Variants in SRRT observed in about 807,000 individuals in gnomAD.
SRRT encodes the protein serrate, RNA effector molecule, also known as serrate RNA effector molecule homolog.
SRRT carries 32 observed loss-of-function variants against 103.2 expected under a neutral mutation model. The ratio of observed to expected loss-of-function variants is 0.31; its 90% CI spans 0.23 to 0.42. The LOEUF (loss-of-function observed/expected upper bound fraction) is 0.42. Ranked by LOEUF, SRRT falls within the 10% of genes least tolerant of loss-of-function variation. The probability of loss-of-function intolerance (pLI) is 1.00; values close to 1 mark genes in which losing one functional copy is unlikely to be tolerated. For missense variants in SRRT, 986 were observed against 1,207.5 expected (o/e 0.82, Z 2.72); for synonymous variants, 525 against 449.0 (o/e 1.17, Z -2.14).
rs761349168 is a variant in SRRT, at chr7:100,885,402, C to A, written c.1317+32C>A. On this transcript the variant is annotated intron_variant, in intron 10 of 19. Coordinates refer to ENST00000611405, the MANE Select transcript of SRRT (RefSeq NM_015908.6). The surrounding 1 kb of genome is among the most constrained non-coding windows in gnomAD (Gnocchi z 4.8). ...GGGGACCCGTGGAGTCAGGGCAGGGCTGATGGAGAAGTGGAGGGTAGAGGG... is the reference window on the plus strand; with the variant it reads ...GGGGACCCGTGGAGTCAGGGCAGGGATGATGGAGAAGTGGAGGGTAGAGGG... The A allele has an allele frequency of 1.9e-6, 3 of 1,597,610 alleles. No homozygotes were observed. Among genetic ancestry groups the A allele is most frequent in the Non-Finnish European group, 2.6e-6 (3 of 1,168,990 alleles).
Position 100,885,470 on chromosome 7 carries a change from C to A in SRRT, c.1317+100C>A. On this transcript the variant is annotated intron_variant, in intron 10 of 19. Transcript: ENST00000611405. This position sits in a 1 kb window ranked among gnomAD's most constrained non-coding sequence, Gnocchi z 4.8. ...CCTGTGACAGATGCCCCCGTTTCACCTGCTAGGGAGGCCCCTTCCCCAGGT... is the reference window on the plus strand; with the variant it reads ...CCTGTGACAGATGCCCCCGTTTCACATGCTAGGGAGGCCCCTTCCCCAGGT... 7.4e-7 allele frequency: 1 copy of A among 1,346,800 alleles called. No homozygotes were observed. The highest frequency in any genetic ancestry group is 1.0e-6 in the Non-Finnish European group (1 of 985,856). The allele number at this position is 1,346,800 out of a possible 1,614,324, so 83.4% of individuals were successfully genotyped here. A position where few individuals can be genotyped will look rare whatever the true frequency, so the allele number is the denominator to read the frequency against.
chr7:100,882,041 G>C lies in SRRT; in HGVS notation c.399-12G>C, dbSNP rs781270592. On this transcript the variant is annotated splice_polypyrimidine_tract_variant and intron_variant, in intron 4 of 19. Transcript: ENST00000611405. This position sits in a 1 kb window ranked among gnomAD's most constrained non-coding sequence, Gnocchi z 4.2. ...CCAAAAACCAAGCCTTCCTGACCGG[G>C]GTCCCCTCCAGGCTGGGCAGCATTG... 3 of 1,607,882 alleles carry C rather than the reference G, an allele frequency of 1.9e-6. No homozygotes were observed. Among genetic ancestry groups the C allele is most frequent in the South Asian group, 2.2e-5 (2 of 90,692 alleles).
rs1434196157 is a variant in SRRT at position 100,881,578 on chromosome 7, G to A, written c.252-81G>A. 15 of 1,592,940 alleles carry A rather than the reference G, an allele frequency of 9.4e-6. No homozygotes were observed. In the Admixed American group the frequency reaches 1.6e-4, roughly 17 times the overall value. Reference sequence around the variant, plus strand: ...ACCCTTGTCTGGGAGACCATGCTGTGTGTACCCCCGTCTGTCCATCCTCCA... The same window carrying A: ...ACCCTTGTCTGGGAGACCATGCTGTATGTACCCCCGTCTGTCCATCCTCCA... On this transcript the variant is annotated intron_variant, in intron 3 of 19. Transcript: ENST00000611405.
intron 2 of SRRT, 75 bp from the exon 3 acceptor site, chr7:100,881,210 C>A: frequency 6.5e-7 from 1 of 1,534,722 alleles, no homozygotes; most frequent in South Asian, 1.2e-5. Flanking sequence ...CTGCCTCGGC[C>A]TCAAAAGTGC....
At position 100,884,501 on chromosome 7, in the gene SRRT, C is replaced by T. The variant is rs764566925; in HGVS notation, c.891C>T (p.Asp297=). 18 of 1,612,462 alleles carry T rather than the reference C, an allele frequency of 1.1e-5. No homozygotes were observed. Among genetic ancestry groups the T allele is most frequent in the South Asian group, 2.2e-5 (2 of 91,018 alleles). ...GACGGGCTGGAGCAGGCCTAGGGGACGGGGAGCGCAAAACCAACGACAAGG... is the reference window on the plus strand; with the variant it reads ...GACGGGCTGGAGCAGGCCTAGGGGATGGGGAGCGCAAAACCAACGACAAGG... The part of the protein sequence containing the change: ...EEGRAGAGLG[D]GERKTNDKDE... Residue 297 remains aspartate (D), a synonymous_variant, in exon 7 of 20, where the codon GAC becomes GAT. Transcript: ENST00000611405.
chr7:100,885,456 TGCCCCC>T lies in SRRT; in HGVS notation c.1317+88_1317+93del, dbSNP rs1172189425. On this transcript the variant is annotated intron_variant, in intron 10 of 19. Coordinates refer to ENST00000611405, the MANE Select transcript of SRRT (RefSeq NM_015908.6). The surrounding 1 kb of genome is among the most constrained non-coding windows in gnomAD (Gnocchi z 4.8). The stretch of plus-strand genomic sequence containing the variant: ...GCAGTGGGGCCCTGCCTGTGACAGA[TGCCCCC>T]GTTTCACCTGCTAGGGAGGCCCCTT... The T allele has an allele frequency of 7.3e-7, 1 of 1,368,018 alleles. No individual in the cohort carries two copies. Among genetic ancestry groups the T allele is most frequent in the African/African-American group, 1.6e-5 (1 of 63,574 alleles). The allele number at this position is 1,368,018 out of a possible 1,614,324, so 84.7% of individuals were successfully genotyped here. A position where few individuals can be genotyped will look rare whatever the true frequency, so the allele number is the denominator to read the frequency against.
At chr7:100,878,674 C>T (rs1159314487) in intron 2 of SRRT, among the ~76,000 whole-genome samples, 1 of 151,044 alleles carries the variant, frequency 6.6e-6, no homozygotes, top group South Asian at 2.1e-4. Flanking sequence ...GCCTTTCCAA[C>T]TCCTTATCAG....
chr7:100,875,840 C>A, intron 2 of SRRT, 128 bp downstream of exon 2: 1 of 1,240,528 alleles, frequency 8.1e-7, no homozygotes, highest in Non-Finnish European at 1.1e-6. Context: ...GGACCGTTTT[C>A]TGTGGTTCAG....
At position 100,884,384 on chromosome 7, in the gene SRRT, A is replaced by G; in HGVS notation, c.774A>G (p.Glu258=). 3.1e-6 allele frequency: 5 copies of G among 1,613,676 alleles called. No individual in the cohort carries two copies. The highest frequency in any genetic ancestry group is 4.2e-6 in the Non-Finnish European group (5 of 1,179,886). The change falls in exon 7 of 20, where the codon GAA becomes GAG. Residue 258 remains glutamate (E), a synonymous_variant. Transcript: ENST00000611405. ...TGTTGGTAGCCGTGATTAAGATGGA[A>G]GGAGGCACGGAGAATGATCTTCGCA... ...KMLDAAVIKM[E]GGTENDLRIL...
At position 100,884,141 on chromosome 7, in the gene SRRT, G is replaced by T. The variant is rs1191223386; in HGVS notation, c.659G>T (p.Arg220Leu). Reference protein sequence around the residue: ...RQEARGALQNRLRVFLSLMET... With the variant: ...RQEARGALQNLLRVFLSLMET... Reference sequence around the variant, plus strand: ...GAGGCCCGGGGGGCCCTGCAAAACCGACTGAGGGTCTTCCTGTCCCTCATG... The same window carrying T: ...GAGGCCCGGGGGGCCCTGCAAAACCTACTGAGGGTCTTCCTGTCCCTCATG... Residue 220 changes from arginine (R) to leucine (L), a missense_variant, in exon 6 of 20, where the codon CGA (arginine) becomes CTA (leucine). Around this residue, in one of 6 missense-constraint regions of SRRT, gnomAD observed 274 missense variants for 358.5 expected, o/e 0.76. Transcript: ENST00000611405. The T allele has an allele frequency of 4.3e-6, 7 of 1,613,880 alleles. No individual in the cohort carries two copies. Among genetic ancestry groups the T allele is most frequent in the South Asian group, 1.1e-5 (1 of 91,016 alleles).
intron 2 of SRRT, 135 bp from the exon 3 acceptor site, chr7:100,881,150 G>C (rs1304381315): frequency 9.9e-5 from 80 of 810,666 alleles, no homozygotes; most frequent in South Asian, 6.1e-4. Flanking sequence ...GGCGGGGGGG[G>C]GTCTCACTAT....
At chr7:100,886,621 T>C (rs1286815471) in intron 13 of SRRT, 174 bp from the exon 14 acceptor site, 23 of 980,620 alleles carry the variant, frequency 2.3e-5, no homozygotes, top group African/African-American at 3.3e-5. Context: ...CTAGTGATCA[T>C]TTGTGGCTGG....
chr7:100,885,633 T>G lies in SRRT; in HGVS notation c.1318-68T>G. The G allele has an allele frequency of 1.3e-6, 2 of 1,495,974 alleles. No homozygotes were observed. Among genetic ancestry groups the G allele is most frequent in the Non-Finnish European group, 1.8e-6 (2 of 1,093,882 alleles). The allele number at this position is 1,495,974 out of a possible 1,614,324, so 92.7% of individuals were successfully genotyped here. A position where few individuals can be genotyped will look rare whatever the true frequency, so the allele number is the denominator to read the frequency against. ...TTAGTCCCTAGGGTTCTGAGGGCAG[T>G]GGGGGATTGGAGGAAGAAGCGAATG... On this transcript the variant is annotated intron_variant, in intron 10 of 19. Coordinates refer to ENST00000611405, the MANE Select transcript of SRRT (RefSeq NM_015908.6). This position sits in a 1 kb window ranked among gnomAD's most constrained non-coding sequence, Gnocchi z 4.8.
rs1308605882 is a variant in SRRT, at chr7:100,882,416, A to G, written c.587+175A>G. 1.5e-6 allele frequency: 1 copy of G among 659,766 alleles called. No individual in the cohort carries two copies. Among genetic ancestry groups the G allele is most frequent in the South Asian group, 2.0e-5 (1 of 51,222 alleles). 40.9% of individuals were successfully genotyped at this position (659,766 alleles called of 1,614,324 possible). A position where few individuals can be genotyped will look rare whatever the true frequency, so the allele number is the denominator to read the frequency against. On this transcript the variant is annotated intron_variant, in intron 5 of 19. Coordinates refer to ENST00000611405, the MANE Select transcript of SRRT (RefSeq NM_015908.6). This position sits in a 1 kb window ranked among gnomAD's most constrained non-coding sequence, Gnocchi z 4.2. Reference sequence around the variant, plus strand: ...TCTCCCCCTCACTTCAGCAACTGCCACGGCCCCCGCCCCGCCCTGTCTCCT... The same window carrying G: ...TCTCCCCCTCACTTCAGCAACTGCCGCGGCCCCCGCCCCGCCCTGTCTCCT...
In SRRT at chr7:100,887,808, C is replaced by G; in HGVS notation, c.2275C>G (p.Arg759Gly). The G allele has an allele frequency of 6.2e-7, 1 of 1,612,828 alleles. No individual in the cohort carries two copies. Among genetic ancestry groups the G allele is most frequent in the Non-Finnish European group, 8.5e-7 (1 of 1,178,892 alleles). ...FFNNFLTDAKRPALPEIKPAQ... is the reference protein window; with the variant it reads ...FFNNFLTDAKGPALPEIKPAQ... The stretch of plus-strand genomic sequence containing the variant: ...TAACAACTTCCTCACTGATGCTAAG[C>G]GCCCAGCTCTGCCTGAGATCAAGCC... Residue 759 changes from arginine (R) to glycine (G), a missense_variant, in exon 17 of 20, where the codon CGC becomes GGC. Around this residue, in one of 6 missense-constraint regions of SRRT, gnomAD observed 178 missense variants for 189.6 expected, o/e 0.94. Transcript: ENST00000611405. This position sits in a 1 kb window ranked among gnomAD's most constrained non-coding sequence, Gnocchi z 4.1.
rs1236504081 is a variant in SRRT at position 100,884,155 on chromosome 7, C to T, written c.673C>T (p.Leu225=). 2.5e-6 allele frequency: 4 copies of T among 1,613,778 alleles called. No individual in the cohort carries two copies. The African/African-American group carries it at 4.0e-5, about 16-fold the overall frequency. Residue 225 remains leucine (L), a synonymous_variant, in exon 6 of 20, where the codon CTG becomes TTG. Coordinates refer to ENST00000611405, the MANE Select transcript of SRRT (RefSeq NM_015908.6). Reference sequence around the variant, plus strand: ...CCTGCAAAACCGACTGAGGGTCTTCCTGTCCCTCATGGAGACTGGCTGGTT... The same window carrying T: ...CCTGCAAAACCGACTGAGGGTCTTCTTGTCCCTCATGGAGACTGGCTGGTT... ...GALQNRLRVF[L]SLMETGWFDN... is the part of the protein sequence containing the mutation.
In SRRT at chr7:100,886,345, C is replaced by T. The variant is rs765920351; in HGVS notation, c.1557C>T (p.Asn519=). ...GITQHKQIVR[N]DIKLAAKLIH... is the part of the protein sequence containing the mutation. ...CCCAGCACAAGCAGATTGTGCGCAACGACATCAAGCTGGCGGCCAAGCTGA... is the reference window on the plus strand; with the variant it reads ...CCCAGCACAAGCAGATTGTGCGCAATGACATCAAGCTGGCGGCCAAGCTGA... Residue 519 remains asparagine (N), a synonymous_variant, in exon 13 of 20, where the codon AAC becomes AAT. Transcript: ENST00000611405. 38 of 1,613,766 alleles carry T rather than the reference C, an allele frequency of 2.4e-5. No individual in the cohort carries two copies. The Middle Eastern group carries it at 6.9e-4, about 29-fold the overall frequency.
intron 2 of SRRT, among the ~76,000 whole-genome samples, chr7:100,878,952 C>CT (rs756918615): frequency 5.6e-5 from 8 of 142,636 alleles, no homozygotes; most frequent in Admixed American, 2.8e-4. Flanking sequence ...TCTTTCTTTT[C>CT]TTTCTTTCTT....
At position 100,884,430 on chromosome 7, in the gene SRRT, G is replaced by GAGGAGC; in HGVS notation, c.824_829dup (p.Glu275_Gln276dup). 6.2e-7 allele frequency: 1 copy of GAGGAGC among 1,613,648 alleles called. No homozygotes were observed. Among genetic ancestry groups the GAGGAGC allele is most frequent in the Non-Finnish European group, 8.5e-7 (1 of 1,179,736 alleles). On this transcript the variant is annotated inframe_insertion, in exon 7 of 20. Coordinates refer to ENST00000611405, the MANE Select transcript of SRRT (RefSeq NM_015908.6). ...TCGCATCCTGGAGCAGGAGGAGGAG[G>GAGGAGC]AGGAGCAGGCAGGAAAGCCTGGGGA... is the stretch of plus-strand genomic sequence containing the variant.
Sources: allele counts gnomAD v4.1 joint callset (sites outside exome capture counted in the v4.1 genomes callset), GRCh38; gene constraint gnomAD v4.1.1; regional missense constraint gnomAD v4.1.1; non-coding constraint Gnocchi (gnomAD v3.1); transcripts MANE v1.5; gene names NCBI Gene and HGNC (gene_info 2026-07-23, HGNC 2026-07-21).